The following TRIM44 variants were observed in gnomAD, a reference collection of about 807,000 sequenced individuals.
TRIM44 encodes the protein tripartite motif-containing protein 44.
A neutral mutation model predicts 37.4 loss-of-function variants in TRIM44; 13 were observed. The observed-to-expected ratio is 0.35, with a 90% CI of 0.23 to 0.55. The LOEUF (loss-of-function observed/expected upper bound fraction) is 0.55. Ranked by LOEUF, TRIM44 falls within the 20% of genes least tolerant of loss-of-function variation. The pLI is 0.89. For synonymous variants in TRIM44, 175 were observed against 157.2 expected, an observed-to-expected ratio of 1.11 and a Z score of -0.85; for missense variants, 426 against 437.2, an observed-to-expected ratio of 0.97 and a Z score of 0.23.
At chr11:35,738,423 G>T (rs1852353066) in intron 4 of TRIM44, among the ~76,000 whole-genome samples, 1 of 152,164 alleles carries the variant, frequency 6.6e-6, no homozygotes, top group South Asian at 2.1e-4. Flanking sequence ...GGTCAGTAAG[G>T]AGTCCATTGG....
intron 1 of TRIM44, among the ~76,000 whole-genome samples, chr11:35,674,011 A>G (rs1289781352): frequency 6.6e-6 from 1 of 151,942 alleles, no homozygotes; most frequent in Non-Finnish European, 1.5e-5. Flanking sequence ...TGTTCTTATT[A>G]TTGTTTTAAT....
At chr11:35,687,025 A>G (rs1851589913) in intron 2 of TRIM44, among the ~76,000 whole-genome samples, 1 of 152,190 alleles carries the variant, frequency 6.6e-6, no homozygotes, top group Admixed American at 6.5e-5. Context: ...TACTTTATTG[A>G]TAAGAACACT....
chr11:35,687,698 C>T (rs1590506713), intron 2 of TRIM44, among the ~76,000 whole-genome samples: 1 of 152,200 alleles, frequency 6.6e-6, no homozygotes, highest in Non-Finnish European at 1.5e-5. Flanking sequence ...GAAAGCTTGC[C>T]AGAAAGTGAA....
intron 4 of TRIM44, among the ~76,000 whole-genome samples, chr11:35,780,557 G>A (rs1240343099): frequency 2.6e-5 from 4 of 152,088 alleles, no homozygotes; most frequent in South Asian, 2.1e-4. Context: ...ATGCTATCAC[G>A]GTCTCATTTA....
chr11:35,663,261 G>GA lies in TRIM44; in HGVS notation c.152dup (p.Phe52ValfsTer21). The GA allele has an allele frequency of 6.2e-7, 1 of 1,612,314 alleles. No individual in the cohort carries two copies. Among genetic ancestry groups the GA allele is most frequent in the Non-Finnish European group, 8.5e-7 (1 of 1,178,510 alleles). On this transcript the variant is annotated frameshift_variant, in exon 1 of 5. Coordinates refer to ENST00000299413, the MANE Select transcript of TRIM44 (RefSeq NM_017583.6). LOFTEE classifies it high-confidence loss of function. ...GCCGCCATGCCGAGGCGCACAGGCA[G>GA]AAGTTCCTCAGTCACCATCTGGCCG...
intron 1 of TRIM44, among the ~76,000 whole-genome samples, chr11:35,665,586 G>GTT (rs35522287): frequency 2.0e-4 from 14 of 71,516 alleles, no homozygotes; most frequent in Non-Finnish European, 3.2e-4. Flanking sequence ...TTATATATCT[G>GTT]TTTTTTTTTT....
At chr11:35,773,357 C>G (rs1852901196) in intron 4 of TRIM44, among the ~76,000 whole-genome samples, 1 of 151,834 alleles carries the variant, frequency 6.6e-6, no homozygotes, top group Non-Finnish European at 1.5e-5. Flanking sequence ...TTGAATTGTT[C>G]AAGTTTGTTA....
intron 4 of TRIM44, among the ~76,000 whole-genome samples, chr11:35,770,994 C>T (rs187370074): frequency 2.0e-5 from 3 of 152,170 alleles, no homozygotes; most frequent in African/African-American, 4.8e-5. Flanking sequence ...TTATCAGCAG[C>T]GTGAAAATGG....
chr11:35,760,162 C>T (rs889569404), intron 4 of TRIM44, among the ~76,000 whole-genome samples: 1 of 152,230 alleles, frequency 6.6e-6, no homozygotes, highest in Admixed American at 6.5e-5. Context: ...TTCCTGGCCG[C>T]TTTGTTTACC....
At chr11:35,697,009 C>A (rs528816961) in intron 2 of TRIM44, among the ~76,000 whole-genome samples, 131 of 152,154 alleles carry the variant, frequency 8.6e-4, no homozygotes, top group Middle Eastern at 3.4e-3. Context: ...TATAATAAAA[C>A]CTTAAAGACA....
intron 4 of TRIM44, among the ~76,000 whole-genome samples, chr11:35,750,086 T>C (rs1016125189): frequency 6.6e-6 from 1 of 152,212 alleles, no homozygotes; most frequent in Non-Finnish European, 1.5e-5. Context: ...GTGTGGCCAC[T>C]CATTCCAAAA....
At chr11:35,742,411 ATAAT>A (rs760122123) in intron 4 of TRIM44, among the ~76,000 whole-genome samples, 10 of 142,392 alleles carry the variant, frequency 7.0e-5, no homozygotes, top group Admixed American at 2.2e-4. Context: ...AACAGTCCTA[ATAAT>A]TAATGTTAAT....
intron 2 of TRIM44, among the ~76,000 whole-genome samples, chr11:35,686,356 C>CTTTTT (rs1564950292): frequency 7.0e-6 from 1 of 143,622 alleles, no homozygotes; most frequent in African/African-American, 2.7e-5. Context: ...ACTGTAGGTT[C>CTTTTT]TTTTTGTTTT....
chr11:35,708,375 C>CT (rs1223342799), intron 2 of TRIM44, among the ~76,000 whole-genome samples: 2 of 151,554 alleles, frequency 1.3e-5, no homozygotes, highest in African/African-American at 4.8e-5. Flanking sequence ...GGATCTAGAA[C>CT]TAGAAATACC....
At position 35,686,625 on chromosome 11, in the gene TRIM44, C is replaced by T. The variant is rs76438636; in HGVS notation, c.747+1289C>T. On this transcript the variant is annotated intron_variant, in intron 2 of 4. Transcript: ENST00000299413. ...AGGTTGGAGTGCAGTGGCATGATCT[C>T]GGCTCAGTGCAACCTCTCCCTCCCA... Among the ~76,000 whole-genome samples the T allele has an allele frequency of 0.014, 2,103 of 152,062 alleles. 119 individuals are homozygous for T. The East Asian group carries it at 0.14, about 10-fold the overall frequency.
intron 4 of TRIM44, among the ~76,000 whole-genome samples, chr11:35,799,876 TCTC>T (rs2133882823): frequency 6.6e-6 from 1 of 152,274 alleles, no homozygotes; most frequent in East Asian, 1.9e-4. Flanking sequence ...GAAGAGCCCT[TCTC>T]CTTGTGGTTT....
At chr11:35,678,396 A>G (rs929329192) in intron 1 of TRIM44, among the ~76,000 whole-genome samples, 1 of 152,114 alleles carries the variant, frequency 6.6e-6, no homozygotes, top group African/African-American at 2.4e-5. Context: ...TTTCAGACCC[A>G]AGAATGACTT....
intron 2 of TRIM44, among the ~76,000 whole-genome samples, chr11:35,705,054 A>G (rs1181236945): frequency 5.4e-5 from 8 of 149,064 alleles, no homozygotes; most frequent in Non-Finnish European, 8.9e-5. Context: ...TCAAAATAAA[A>G]GGATGGAGGA....
chr11:35,757,616 G>C (rs1852662600), intron 4 of TRIM44, among the ~76,000 whole-genome samples: 1 of 152,114 alleles, frequency 6.6e-6, no homozygotes, highest in African/African-American at 2.4e-5. Context: ...GATCTTTTCT[G>C]CTTTCTCTTG....
Sources: allele counts gnomAD v4.1 joint callset (sites outside exome capture counted in the v4.1 genomes callset), GRCh38; gene constraint gnomAD v4.1.1; transcripts MANE v1.5; gene names NCBI Gene and HGNC (gene_info 2026-07-23, HGNC 2026-07-21).